The following LPAR1 variants were observed in gnomAD, a reference collection of about 807,000 sequenced individuals.
LPAR1 encodes the protein lysophosphatidic acid receptor 1.
In LPAR1, 5 loss-of-function variants were observed where a neutral mutation model predicts 23.8. The ratio of observed to expected loss-of-function variants is 0.21; its 90% CI spans 0.11 to 0.44. The LOEUF (loss-of-function observed/expected upper bound fraction) is 0.44. Among genes scored for constraint, LPAR1 ranks in the 20% least tolerant of loss-of-function variants. The probability of loss-of-function intolerance (pLI) is 0.99; values close to 1 mark genes in which losing one functional copy is unlikely to be tolerated. For missense variants in LPAR1, 311 were observed against 482.8 expected (o/e 0.64, Z 3.33); for synonymous variants, 160 against 164.7 (o/e 0.97, Z 0.22).
chr9:110,950,463 TAAA>T lies in LPAR1; in HGVS notation c.46-8298_46-8296del, dbSNP rs56274036. On this transcript the variant is annotated intron_variant, in intron 4 of 5. Transcript: ENST00000683809. ...CTGGGTGACACAGTAAGACTCTGTC[TAAA>T]AAAAAAAAAAAAAAAAACTGGAAAT... Among the ~76,000 whole-genome samples the T allele has an allele frequency of 4.1e-3, 506 of 122,004 alleles. 3 individuals are homozygous for T. Among genetic ancestry groups the T allele is most frequent in the African/African-American group, 0.012 (397 of 32,764 alleles). 80.0% of individuals were successfully genotyped at this position (122,004 alleles called of 152,430 possible). A position where few individuals can be genotyped will look rare whatever the true frequency, so the allele number is the denominator to read the frequency against.
At chr9:110,882,650 C>T (rs494605) in intron 5 of LPAR1, among the ~76,000 whole-genome samples, 61,073 of 151,862 alleles carry the variant, frequency 0.4, 12,523 homozygotes, top group East Asian at 0.52. Flanking sequence ...TGCACAGATA[C>T]ATAATAAAAG....
intron 5 of LPAR1, among the ~76,000 whole-genome samples, chr9:110,889,925 C>T (rs1367876442): frequency 6.6e-6 from 1 of 152,006 alleles, no homozygotes; most frequent in Non-Finnish European, 1.5e-5. Context: ...ATGCATTTAA[C>T]TCAAGAAGTT....
At chr9:110,958,974 T>C (rs1339505556) in intron 4 of LPAR1, among the ~76,000 whole-genome samples, 1 of 150,870 alleles carries the variant, frequency 6.6e-6, no homozygotes, top group African/African-American at 2.4e-5. Context: ...CGCTTAACTT[T>C]CCTAATCATC....
At chr9:111,012,763 A>T (rs1358688162) in intron 2 of LPAR1, among the ~76,000 whole-genome samples, 5 of 152,112 alleles carry the variant, frequency 3.3e-5, no homozygotes, top group Non-Finnish European at 7.4e-5. Context: ...GTGGTAAAAA[A>T]CTAAGAAACT....
chr9:110,876,399 T>C (rs963777692), intron 5 of LPAR1, among the ~76,000 whole-genome samples: 6 of 152,220 alleles, frequency 3.9e-5, no homozygotes, highest in African/African-American at 1.4e-4. Flanking sequence ...AAGATCTATG[T>C]TTTATTTTTA....
At chr9:110,883,909 C>T (rs369928959) in intron 5 of LPAR1, among the ~76,000 whole-genome samples, 2 of 151,558 alleles carry the variant, frequency 1.3e-5, no homozygotes, top group East Asian at 1.9e-4. Flanking sequence ...CACATTGTTT[C>T]TTCTAACGTA....
At chr9:110,979,638 A>G (rs2096628311) in intron 2 of LPAR1, among the ~76,000 whole-genome samples, 1 of 152,162 alleles carries the variant, frequency 6.6e-6, no homozygotes, top group Admixed American at 6.6e-5. Flanking sequence ...CTCATAAGCA[A>G]AAGATTAGGA....
intron 4 of LPAR1, among the ~76,000 whole-genome samples, chr9:110,944,750 G>A (rs756289539): frequency 2.7e-4 from 41 of 152,262 alleles, no homozygotes; most frequent in Non-Finnish European, 5.0e-4. Context: ...AGAGAAAAGT[G>A]CCCTGTCCTA....
At chr9:110,972,712 C>T (rs958397211) in intron 3 of LPAR1, among the ~76,000 whole-genome samples, 5 of 151,896 alleles carry the variant, frequency 3.3e-5, no homozygotes, top group African/African-American at 1.2e-4. Context: ...TTTGGGAAGC[C>T]GAGGGGGAAG....
At chr9:110,914,388 G>A (rs1487615804) in intron 5 of LPAR1, among the ~76,000 whole-genome samples, 3 of 152,138 alleles carry the variant, frequency 2.0e-5, no homozygotes, top group Non-Finnish European at 4.4e-5. Context: ...GAGAATGAGA[G>A]CCAAGTGAAA....
At chr9:110,886,096 T>G (rs1466338614) in intron 5 of LPAR1, among the ~76,000 whole-genome samples, 23 of 150,858 alleles carry the variant, frequency 1.5e-4, no homozygotes, top group African/African-American at 5.6e-4. Flanking sequence ...CACTCCGGAG[T>G]CTACGGCAGG....
At chr9:110,962,043 T>C (rs1407521853) in intron 4 of LPAR1, among the ~76,000 whole-genome samples, 1 of 152,262 alleles carries the variant, frequency 6.6e-6, no homozygotes, top group Non-Finnish European at 1.5e-5. Context: ...TTGTTTCTCC[T>C]GCCTTTTCTT....
At chr9:110,906,330 A>T (rs911838540) in intron 5 of LPAR1, among the ~76,000 whole-genome samples, 1 of 152,188 alleles carries the variant, frequency 6.6e-6, no homozygotes, top group Non-Finnish European at 1.5e-5. Flanking sequence ...AAAAAATCCT[A>T]CTTCTTAATT....
chr9:110,888,745 G>C (rs2083139597), intron 5 of LPAR1, among the ~76,000 whole-genome samples: 1 of 152,184 alleles, frequency 6.6e-6, no homozygotes, highest in Non-Finnish European at 1.5e-5. Flanking sequence ...AATCAGACAA[G>C]AGATAATGGT....
intron 4 of LPAR1, among the ~76,000 whole-genome samples, chr9:110,943,561 T>G (rs1023679631): frequency 7.2e-5 from 11 of 152,130 alleles, no homozygotes; most frequent in Non-Finnish European, 1.6e-4. Context: ...CTTGTCTGCT[T>G]CTTAAAGAGA....
chr9:111,029,994 C>T (rs1295458281), intron 2 of LPAR1, among the ~76,000 whole-genome samples: 1 of 140,820 alleles, frequency 7.1e-6, no homozygotes, highest in Non-Finnish European at 1.5e-5. Flanking sequence ...GGCAGTGAGC[C>T]AAGATCGTGC....
At chr9:110,927,224 A>G (rs1431366718) in intron 5 of LPAR1, among the ~76,000 whole-genome samples, 1 of 126,742 alleles carries the variant, frequency 7.9e-6, no homozygotes, top group Non-Finnish European at 1.6e-5. Flanking sequence ...TTTTTTACTT[A>G]GCATTCCACA....
chr9:110,980,893 C>A (rs1469548876), intron 2 of LPAR1, among the ~76,000 whole-genome samples: 1 of 151,872 alleles, frequency 6.6e-6, no homozygotes, highest in Non-Finnish European at 1.5e-5. Flanking sequence ...CACACTGTAT[C>A]CCATAAATAT....
rs2093592977 is a variant in LPAR1, at chr9:110,921,033, G to C, written c.793+20388C>G. The stretch of plus-strand genomic sequence containing the variant: ...TGACTATAGTCCTAGCTGCACACGA[G>C]GCTAAAGTGGGAGAATCCCTTGAGC... On this transcript the variant is annotated intron_variant, in intron 5 of 5. Coordinates refer to ENST00000683809, the MANE Select transcript of LPAR1 (RefSeq NM_001351411.2). Among the ~76,000 whole-genome samples the C allele has an allele frequency of 2.6e-5, 4 of 152,048 alleles. No individual in the cohort carries two copies. The South Asian group carries it at 8.3e-4, about 32-fold the overall frequency.
Sources: gnomAD v4.1 joint callset for allele counts (sites outside exome capture counted in the v4.1 genomes callset) on GRCh38, gnomAD v4.1.1 for gene constraint, MANE v1.5 for transcripts, NCBI Gene and HGNC (gene_info 2026-07-23, HGNC 2026-07-21) for gene names.